RAB31: variants seen among roughly 807,000 people sequenced by gnomAD.
RAB31 encodes ras-related protein Rab-31.
RAB31 carries 21 observed loss-of-function variants against 25.6 expected under a neutral mutation model. The observed-to-expected ratio is 0.82, with a 90% CI of 0.58 to 1.18. The LOEUF (loss-of-function observed/expected upper bound fraction) is 1.18, where lower values mean the gene tolerates loss of function less well. RAB31 is among the 50% of genes most tolerant of loss of function. The probability of loss-of-function intolerance (pLI) is 0.00; values close to 1 mark genes in which losing one functional copy is unlikely to be tolerated. For missense variants in RAB31, 196 were observed against 250.1 expected, an observed-to-expected ratio of 0.78 and a Z score of 1.46; for synonymous variants, 87 against 84.0, an observed-to-expected ratio of 1.04 and a Z score of -0.20.
chr18:9,792,364 A>G (rs2068465065), intron 3 of RAB31, 129 bp downstream of exon 3: 1 of 1,433,750 alleles, frequency 7.0e-7, no homozygotes, highest in Non-Finnish European at 9.2e-7. Flanking sequence ...TGATGTAAGC[A>G]AAAAGAAAAT....
At chr18:9,749,961 C>T (rs1029724002) in intron 1 of RAB31, among the ~76,000 whole-genome samples, 2 of 152,094 alleles carry the variant, frequency 1.3e-5, no homozygotes, top group Non-Finnish European at 2.9e-5. Context: ...GTCCAGTGGG[C>T]CCTTTGATTC....
At chr18:9,801,284 ATTT>A (rs3039670) in intron 3 of RAB31, among the ~76,000 whole-genome samples, 2 of 141,162 alleles carry the variant, frequency 1.4e-5, no homozygotes. Flanking sequence ...CTTTGTGTAG[ATTT>A]TTTTTTTTTT....
At chr18:9,836,666 A>T (rs1365480733) in intron 5 of RAB31, among the ~76,000 whole-genome samples, 1 of 152,114 alleles carries the variant, frequency 6.6e-6, no homozygotes, top group Non-Finnish European at 1.5e-5. Context: ...AGGTCTGGGG[A>T]GATTTAGTAT....
intron 3 of RAB31, among the ~76,000 whole-genome samples, chr18:9,810,266 C>T (rs997137453): frequency 6.6e-6 from 1 of 152,148 alleles, no homozygotes; most frequent in African/African-American, 2.4e-5. Context: ...GCTTTATCAG[C>T]CTCTTGTGAC....
chr18:9,826,615 G>A (rs943205152), intron 5 of RAB31, among the ~76,000 whole-genome samples: 6 of 152,124 alleles, frequency 3.9e-5, no homozygotes, highest in African/African-American at 1.4e-4. Context: ...CCTGATCTTG[G>A]TGAAAGATTT....
chr18:9,814,037 C>A lies in RAB31; in HGVS notation c.219C>A (p.Pro73=), dbSNP rs1159739864. 7 of 1,592,022 alleles carry A rather than the reference C, an allele frequency of 4.4e-6. No individual in the cohort carries two copies. The highest frequency in any genetic ancestry group is 1.3e-5 in the African/African-American group (1 of 74,772). Residue 73 remains proline (P), a synonymous_variant, in exon 4 of 7, where the codon CCC becomes CCA. Transcript: ENST00000578921. ...TTAAACAGTTTCATTCATTGGCTCCCATGTACTATCGAGGCTCAGCTGCAG... is the reference window on the plus strand; with the variant it reads ...TTAAACAGTTTCATTCATTGGCTCCAATGTACTATCGAGGCTCAGCTGCAG... ...AGQERFHSLA[P]MYYRGSAAAV... is the part of the protein sequence containing the mutation.
chr18:9,837,392 T>A (rs2068711244), intron 5 of RAB31, among the ~76,000 whole-genome samples: 1 of 152,172 alleles, frequency 6.6e-6, no homozygotes, highest in Admixed American at 6.5e-5. Flanking sequence ...AAATAATTTT[T>A]AAAATAATCT....
intron 3 of RAB31, 81 bp from the exon 4 acceptor site, chr18:9,813,939 A>G: frequency 2.2e-6 from 2 of 915,162 alleles, no homozygotes; most frequent in Admixed American, 2.0e-5. Flanking sequence ...AGGATGATGT[A>G]GGATAAAACG....
intron 2 of RAB31, among the ~76,000 whole-genome samples, chr18:9,790,395 A>G (rs78702534): frequency 7.6e-6 from 1 of 130,738 alleles, no homozygotes; most frequent in Non-Finnish European, 1.8e-5. Flanking sequence ...CAGCTGATTT[A>G]AAAAAAAAAA....
chr18:9,758,331 C>T (rs2068270309), intron 1 of RAB31, among the ~76,000 whole-genome samples: 1 of 152,114 alleles, frequency 6.6e-6, no homozygotes, highest in South Asian at 2.1e-4. Flanking sequence ...CCTCCATCCA[C>T]ATGTTCATGG....
intron 1 of RAB31, among the ~76,000 whole-genome samples, chr18:9,713,474 G>A (rs551045378): frequency 7.2e-5 from 11 of 152,264 alleles, no homozygotes; most frequent in South Asian, 4.1e-4. Flanking sequence ...TATCTTCCCA[G>A]CAGTGCCTGG....
At chr18:9,730,861 G>T (rs1371435504) in intron 1 of RAB31, among the ~76,000 whole-genome samples, 2 of 152,180 alleles carry the variant, frequency 1.3e-5, no homozygotes, top group African/African-American at 4.8e-5. Flanking sequence ...TATGTGATGA[G>T]TTTGGGGGAA....
At chr18:9,818,884 G>A (rs2068612178) in intron 5 of RAB31, among the ~76,000 whole-genome samples, 1 of 152,158 alleles carries the variant, frequency 6.6e-6, no homozygotes, top group Admixed American at 6.5e-5. Flanking sequence ...GACTAATGAT[G>A]TTAATAAATG....
At chr18:9,784,191 T>C (rs2068420142) in intron 2 of RAB31, among the ~76,000 whole-genome samples, 1 of 134,218 alleles carries the variant, frequency 7.5e-6, no homozygotes. Context: ...CAAAAGCCAC[T>C]GTGCCTGGCT....
chr18:9,797,030 T>G (rs2068489784), intron 3 of RAB31, among the ~76,000 whole-genome samples: 1 of 152,228 alleles, frequency 6.6e-6, no homozygotes, highest in Non-Finnish European at 1.5e-5. Flanking sequence ...TTAGAAAGTC[T>G]TCTATTTTTC....
In RAB31 at chr18:9,761,437, T is replaced by A. The variant is rs76157608; in HGVS notation, c.40-13841T>A. Among the ~76,000 whole-genome samples the A allele has an allele frequency of 4.9e-3, 739 of 152,330 alleles. 5 individuals are homozygous for A. Among genetic ancestry groups the A allele is most frequent in the African/African-American group, 0.017 (716 of 41,578 alleles). On this transcript the variant is annotated intron_variant, in intron 1 of 6. Coordinates refer to ENST00000578921, the MANE Select transcript of RAB31 (RefSeq NM_006868.4). The stretch of plus-strand genomic sequence containing the variant: ...ATGCCCTCCATTATGTCTGTATTAG[T>A]TGCCCATTGCTGTTGTCCCCAAACC...
At chr18:9,825,192 G>C (rs941535265) in intron 5 of RAB31, among the ~76,000 whole-genome samples, 12 of 152,194 alleles carry the variant, frequency 7.9e-5, no homozygotes, top group African/African-American at 2.9e-4. Flanking sequence ...GACTTGCCTG[G>C]TCAAGATGGC....
intron 1 of RAB31, among the ~76,000 whole-genome samples, chr18:9,723,890 C>T (rs2068084311): frequency 6.6e-6 from 1 of 152,192 alleles, no homozygotes; most frequent in Non-Finnish European, 1.5e-5. Context: ...AGGCCCACCT[C>T]CCAACGCTAT....
chr18:9,722,391 G>A (rs1282396418), intron 1 of RAB31, among the ~76,000 whole-genome samples: 2 of 152,130 alleles, frequency 1.3e-5, no homozygotes, highest in Non-Finnish European at 2.9e-5. Context: ...GCTGACAAAC[G>A]TTGCTGATGG....
Sources: allele counts gnomAD v4.1 joint callset (sites outside exome capture counted in the v4.1 genomes callset), GRCh38; gene constraint gnomAD v4.1.1; transcripts MANE v1.5; gene names NCBI Gene and HGNC (gene_info 2026-07-23, HGNC 2026-07-21).